NBPF10: variants seen among roughly 807,000 people sequenced by gnomAD.
NBPF10 encodes NBPF member 10.
NBPF10 carries 63 observed loss-of-function variants against 77.9 expected under a neutral mutation model. The observed-to-expected ratio is 0.81, with a 90% CI of 0.66 to 1.00. The LOEUF (loss-of-function observed/expected upper bound fraction) is 1.00. Among genes scored for constraint, NBPF10 ranks in the 50% least tolerant of loss-of-function variants. The probability of loss-of-function intolerance (pLI) is 0.00; values close to 1 mark genes in which losing one functional copy is unlikely to be tolerated. For missense variants in NBPF10, 522 were observed against 679.8 expected, an observed-to-expected ratio of 0.77 and a Z score of 2.58; for synonymous variants, 146 against 264.5, an observed-to-expected ratio of 0.55 and a Z score of 4.35.
chr1:146,139,464 C>T (rs1326502273), intron 5 of NBPF10, among the ~76,000 whole-genome samples: 1 of 149,284 alleles, frequency 6.7e-6, no homozygotes, highest in East Asian at 2.0e-4. Context: ...TCTAGCCTGA[C>T]AGAAGTGAAT....
At chr1:146,085,750 C>CAA (rs1232283451) in intron 65 of NBPF10, among the ~76,000 whole-genome samples, 3 of 7,936 alleles carry the variant, frequency 3.8e-4, no homozygotes, top group African/African-American at 1.0e-3. Context: ...CACACACACA[C>CAA]ACACACACAC....
Position 146,073,946 on chromosome 1 carries a change from TG to T in NBPF10, c.10078+324del, listed in dbSNP as rs1315667678. On this transcript the variant is annotated intron_variant, in intron 80 of 89. Coordinates refer to ENST00000583866, the Ensembl canonical transcript of NBPF10. ...AGGATTTGAGACGCTGAAATTAGAG[TG>T]AAGGATGAAATCTCCAAGATCTACA... 4.2e-5 allele frequency among the ~76,000 whole-genome samples: 4 copies of T among 96,220 alleles called. No individual in the cohort carries two copies. In the Admixed American group the frequency reaches 4.5e-4, roughly 11 times the overall value. The allele number at this position is 96,220 out of a possible 152,430, so 63.1% of individuals were successfully genotyped here.
At chr1:146,064,862 T>A (rs1462574971) in exon 90 of NBPF10, 1 of 28,102 alleles carries the variant, frequency 3.6e-5, no homozygotes, top group African/African-American at 1.4e-4. Context: ...AAATTAAAAC[T>A]CAGGCAGAGA....
chr1:146,126,553 G>C (rs1172733120), intron 13 of NBPF10, 145 bp from the exon 14 acceptor site: 2 of 705,200 alleles, frequency 2.8e-6, no homozygotes, highest in Non-Finnish European at 5.3e-6. Flanking sequence ...TTGCCTTTAT[G>C]TTGGGATTGA....
intron 77 of NBPF10, among the ~76,000 whole-genome samples, chr1:146,076,255 AC>A (rs1656032365): frequency 8.9e-5 from 1 of 11,244 alleles, no homozygotes; most frequent in Non-Finnish European, 3.2e-4. Flanking sequence ...ACACACACAC[AC>A]ACACACACAC....
At chr1:146,132,913 CAAAAA>C (rs59023668) in intron 10 of NBPF10, among the ~76,000 whole-genome samples, 1 of 15,562 alleles carries the variant, frequency 6.4e-5, no homozygotes, top group African/African-American at 1.7e-4. Flanking sequence ...GACTCCATTG[CAAAAA>C]AAAAAAAAAA....
At chr1:146,136,156 A>T (rs1659680023) in intron 7 of NBPF10, among the ~76,000 whole-genome samples, 197 bp downstream of exon 7, 1 of 151,638 alleles carries the variant, frequency 6.6e-6, no homozygotes, top group Non-Finnish European at 1.5e-5. Context: ...AGAGAAAACA[A>T]GGCTCTGAGA....
chr1:146,142,368 C>T lies in NBPF10; in HGVS notation c.278+282G>A, dbSNP rs1553797720. ...CACACCATTTTGATTATACTGAATG[C>T]TGCTGGGTGGTTCCCACTCCTTTGG... is the stretch of plus-strand genomic sequence containing the variant. On this transcript the variant is annotated intron_variant, in intron 2 of 89. Coordinates refer to ENST00000583866, the Ensembl canonical transcript of NBPF10. 2.2e-5 allele frequency among the ~76,000 whole-genome samples: 3 copies of T among 133,560 alleles called. No individual in the cohort carries two copies. In the South Asian group the frequency reaches 8.0e-4, roughly 36 times the overall value. 87.6% of individuals were successfully genotyped at this position (133,560 alleles called of 152,430 possible).
In NBPF10 at chr1:146,067,095, G is replaced by T. The variant is rs1340967218; in HGVS notation, c.11144+85C>A. Reference sequence around the variant, plus strand: ...GTAATTCAGCCTTCGTTGAAAACATGTCATCAAACACACTCTGGTTTCCCT... The same window carrying T: ...GTAATTCAGCCTTCGTTGAAAACATTTCATCAAACACACTCTGGTTTCCCT... On this transcript the variant is annotated intron_variant, in intron 89 of 89. Transcript: ENST00000583866. 1.5e-4 allele frequency: 95 copies of T among 620,332 alleles called. 1 individual carries two copies. The African/African-American group carries it at 1.6e-3, about 10-fold the overall frequency. 38.4% of individuals were successfully genotyped at this position (620,332 alleles called of 1,614,324 possible).
rs1659128460 is a variant in NBPF10 at position 146,129,956 on chromosome 1, GGTTA to G, written c.1638-1678_1638-1675del. On this transcript the variant is annotated intron_variant, in intron 11 of 89. Coordinates refer to ENST00000583866, the Ensembl canonical transcript of NBPF10. ...TTAGGGTACATGTGCACAACGTGCA[GGTTA>G]GTTACATATGTATACATGTCCACAT... Among the ~76,000 whole-genome samples the G allele has an allele frequency of 4.3e-5, 4 of 93,974 alleles. No homozygotes were observed. The South Asian group carries it at 1.2e-3, about 28-fold the overall frequency. 61.7% of individuals were successfully genotyped at this position (93,974 alleles called of 152,430 possible).
chr1:146,067,552 C>G (rs1239470514), intron 88 of NBPF10, among the ~76,000 whole-genome samples: 2 of 149,816 alleles, frequency 1.3e-5, no homozygotes, highest in African/African-American at 5.0e-5. Flanking sequence ...ACAGTTACGC[C>G]ATATTTTTCC....
In NBPF10 at chr1:146,126,428, T is replaced by G. The variant is rs1553790020; in HGVS notation, c.1854-20A>C. On this transcript the variant is annotated intron_variant, in intron 13 of 89. Transcript: ENST00000583866. ...CTGAGCGTGGAAAAGTAGGAAAAAG[T>G]AAAGAATAAGCCAGGGGGAATCAGA... 11 of 1,054,320 alleles carry G rather than the reference T, an allele frequency of 1.0e-5. No individual in the cohort carries two copies. Among genetic ancestry groups the G allele is most frequent in the Admixed American group, 3.5e-5 (2 of 56,676 alleles). The allele number at this position is 1,054,320 out of a possible 1,614,324, so 65.3% of individuals were successfully genotyped here.
chr1:146,138,904 C>A (rs1303272699), intron 5 of NBPF10, among the ~76,000 whole-genome samples: 1 of 143,470 alleles, frequency 7.0e-6, no homozygotes, highest in Non-Finnish European at 1.6e-5. Context: ...CATCCCTCAG[C>A]CTGCCAAGCA....
intron 6 of NBPF10, among the ~76,000 whole-genome samples, chr1:146,136,930 A>G (rs1411561969): frequency 4.0e-5 from 6 of 149,850 alleles, no homozygotes; most frequent in Admixed American, 6.7e-5. Flanking sequence ...TTTTTAAATC[A>G]TATCTTCAGT....
chr1:146,125,242 T>C (rs1483690385), intron 15 of NBPF10, among the ~76,000 whole-genome samples: 1 of 27,472 alleles, frequency 3.6e-5, no homozygotes, highest in East Asian at 6.5e-4. Flanking sequence ...GCAGTTGCCA[T>C]ACAGCCTTTG....
chr1:146,126,069 G>A (rs1262552506), intron 14 of NBPF10, among the ~76,000 whole-genome samples, 167 bp downstream of exon 14: 4 of 151,648 alleles, frequency 2.6e-5, no homozygotes, highest in Non-Finnish European at 4.4e-5. Flanking sequence ...CCCATCCCTT[G>A]TCTGGGCTTC....
intron 13 of NBPF10, 58 bp from the exon 14 acceptor site, chr1:146,126,466 C>T (rs1379424095): frequency 1.0e-5 from 8 of 774,288 alleles, no homozygotes; most frequent in Non-Finnish European, 1.7e-5. Context: ...CCACACAGCC[C>T]CAGCTAGATT....
At chr1:146,066,709 T>C (rs1655099526) in intron 89 of NBPF10, 148 bp from the exon 90 acceptor site, 4 of 588,012 alleles carry the variant, frequency 6.8e-6, no homozygotes, top group Admixed American at 3.0e-5. Flanking sequence ...TTATTGCCTT[T>C]ATGTTGGGAT....
At chr1:146,064,875 G>GTCT (rs1553776609) in exon 90 of NBPF10, 1 of 22,244 alleles carries the variant, frequency 4.5e-5, no homozygotes, top group African/African-American at 1.8e-4. Flanking sequence ...GGCAGAGAAT[G>GTCT]TCTTCTTTTT....
Sources: allele counts gnomAD v4.1 joint callset (sites outside exome capture counted in the v4.1 genomes callset), GRCh38; gene constraint gnomAD v4.1.1; transcripts MANE v1.5; gene names NCBI Gene and HGNC (gene_info 2026-07-23, HGNC 2026-07-21).